RUSC2: variants seen among roughly 807,000 people sequenced by gnomAD.
The protein encoded by RUSC2 is AP-4 complex accessory subunit RUSC2.
In RUSC2, 34 loss-of-function variants were observed where a neutral mutation model predicts 122.2. The ratio of observed to expected loss-of-function variants is 0.28; its 90% CI spans 0.21 to 0.37. The LOEUF (loss-of-function observed/expected upper bound fraction) is 0.37. RUSC2 is among the 10% of genes least tolerant of loss of function. RUSC2 has a pLI of 1.00. For missense variants in RUSC2, 1,747 were observed against 1,952.4 expected (o/e 0.89, Z 1.98); for synonymous variants, 784 against 790.0 (o/e 0.99, Z 0.13).
At chr9:35,505,011 A>G (rs1820886339) in intron 1 of RUSC2, among the ~76,000 whole-genome samples, 1 of 152,248 alleles carries the variant, frequency 6.6e-6, no homozygotes, top group Non-Finnish European at 1.5e-5. Flanking sequence ...GTTAGTTAAC[A>G]ATATGTGCTG....
At chr9:35,495,072 T>TATATACTATAGTATATATA (rs1820664123) in intron 1 of RUSC2, among the ~76,000 whole-genome samples, 1 of 17,676 alleles carries the variant, frequency 5.7e-5, no homozygotes, top group Non-Finnish European at 1.1e-4. Flanking sequence ...TAGTATATAT[T>TATATACTATAGTATATATA]ATATATAGTA....
chr9:35,525,658 G>A (rs1243918849), intron 1 of RUSC2, among the ~76,000 whole-genome samples: 2 of 152,202 alleles, frequency 1.3e-5, no homozygotes, highest in South Asian at 2.1e-4. Context: ...AATTAGCCTG[G>A]CGTGGAGGCA....
chr9:35,533,703 G>A (rs1056279425), intron 1 of RUSC2, among the ~76,000 whole-genome samples: 1 of 152,190 alleles, frequency 6.6e-6, no homozygotes, highest in South Asian at 2.1e-4. Context: ...GACATATCAT[G>A]TAAATGGAAT....
intron 1 of RUSC2, among the ~76,000 whole-genome samples, chr9:35,494,597 T>C (rs1167240120): frequency 6.6e-6 from 1 of 152,130 alleles, no homozygotes; most frequent in African/African-American, 2.4e-5. Flanking sequence ...TTGTATATCT[T>C]TGGAGAAATG....
intron 1 of RUSC2, among the ~76,000 whole-genome samples, chr9:35,495,350 A>T (rs980311076): frequency 6.9e-6 from 1 of 144,504 alleles, no homozygotes; most frequent in African/African-American, 2.6e-5. Flanking sequence ...TTTGTATGTA[A>T]TGTAAGATAA....
At chr9:35,498,159 T>G (rs201830269) in intron 1 of RUSC2, among the ~76,000 whole-genome samples, 14 of 20,644 alleles carry the variant, frequency 6.8e-4, no homozygotes, top group East Asian at 4.9e-3. Context: ...TTAGTTTTGG[T>G]TTTTTTTTTT....
In RUSC2 at chr9:35,547,397, T is replaced by C. The variant is rs1010295412; in HGVS notation, c.876T>C (p.His292=). The change falls in exon 2 of 12, where the codon CAT becomes CAC. Residue 292 remains histidine, a synonymous_variant. Coordinates refer to ENST00000361226, the MANE Select transcript of RUSC2 (RefSeq NM_014806.5). The surrounding 1 kb of genome is among the most constrained non-coding windows in gnomAD (Gnocchi z 4.6). Reference sequence around the variant, plus strand: ...TCAGCACCCTCTACAACAAGATGCATGGCACCCCCCGTGCCAATCTCAACT... The same window carrying C: ...TCAGCACCCTCTACAACAAGATGCACGGCACCCCCCGTGCCAATCTCAACT... The part of the protein sequence containing the change: ...VTFSTLYNKM[H]GTPRANLNSA... 6.2e-7 allele frequency: 1 copy of C among 1,614,046 alleles called. No individual in the cohort carries two copies.
intron 1 of RUSC2, among the ~76,000 whole-genome samples, chr9:35,496,544 G>T (rs1471463959): frequency 1.3e-5 from 2 of 152,110 alleles, no homozygotes; most frequent in African/African-American, 4.8e-5. Flanking sequence ...TCGGACTGTT[G>T]TAAACCAAGT....
chr9:35,559,551 A>G (rs1463629393), intron 9 of RUSC2, among the ~76,000 whole-genome samples: 2 of 152,202 alleles, frequency 1.3e-5, no homozygotes, highest in African/African-American at 4.8e-5. Flanking sequence ...CCTGGGCAAC[A>G]TGGTGAAACC....
At chr9:35,522,416 C>T (rs1212340779) in intron 1 of RUSC2, among the ~76,000 whole-genome samples, 1 of 152,210 alleles carries the variant, frequency 6.6e-6, no homozygotes, top group East Asian at 1.9e-4. Context: ...GGCATTAGGC[C>T]TCCTCTGCTT....
chr9:35,556,758 TG>T (rs1315434904), intron 5 of RUSC2, among the ~76,000 whole-genome samples: 2 of 151,824 alleles, frequency 1.3e-5, no homozygotes, highest in Admixed American at 6.6e-5. Flanking sequence ...ACCCAGGAGG[TG>T]GAGGTTGCAG....
At chr9:35,553,857 G>A (rs1370161154) in intron 2 of RUSC2, among the ~76,000 whole-genome samples, 1 of 152,182 alleles carries the variant, frequency 6.6e-6, no homozygotes, top group African/African-American at 2.4e-5. Context: ...ACTCTTTGAT[G>A]TAAATAAGAT....
In RUSC2 at chr9:35,546,663, C is replaced by T. The variant is rs2132550904; in HGVS notation, c.142C>T (p.Pro48Ser). The T allele has an allele frequency of 1.3e-6, 2 of 1,571,642 alleles. No individual in the cohort carries two copies. The highest frequency in any genetic ancestry group is 1.7e-6 in the Non-Finnish European group (2 of 1,159,438). ...CACAAGACCTAATCCCTTCTGCCCA[C>T]CTGAGCTGGGCATCACCCAGCCCGA... ...GSTRPNPFCP[P>S]ELGITQPDQD... Residue 48 changes from proline (P) to serine (S), a missense_variant, in exon 2 of 12, where the codon CCT (proline) becomes TCT (serine). Coordinates refer to ENST00000361226, the MANE Select transcript of RUSC2 (RefSeq NM_014806.5). The surrounding 1 kb of genome is among the most constrained non-coding windows in gnomAD (Gnocchi z 4.3).
intron 2 of RUSC2, among the ~76,000 whole-genome samples, chr9:35,554,824 G>A (rs1821972741): frequency 6.6e-6 from 1 of 151,588 alleles, no homozygotes; most frequent in Admixed American, 6.6e-5. Context: ...TTGGAGTCAA[G>A]AAAATGAAGA....
chr9:35,524,888 G>A (rs981544131), intron 1 of RUSC2, among the ~76,000 whole-genome samples: 2 of 151,696 alleles, frequency 1.3e-5, no homozygotes, highest in Admixed American at 6.6e-5. Context: ...GGAGAATGGC[G>A]TGAACCCGGG....
intron 1 of RUSC2, among the ~76,000 whole-genome samples, chr9:35,529,976 G>A (rs1434785032): frequency 1.3e-5 from 2 of 152,026 alleles, no homozygotes; most frequent in Non-Finnish European, 2.9e-5. Context: ...TTTTGAGACT[G>A]GGCCTTGTTC....
intron 1 of RUSC2, among the ~76,000 whole-genome samples, chr9:35,495,213 T>C (rs1820681432): frequency 2.1e-5 from 1 of 47,338 alleles, no homozygotes; most frequent in East Asian, 4.6e-4. Flanking sequence ...ATTTATTATA[T>C]ATAAAGTATA....
rs1822082509 is a variant in RUSC2, at chr9:35,558,915, A to C, written c.3342-311A>C. On this transcript the variant is annotated intron_variant, in intron 8 of 11. Transcript: ENST00000361226. The surrounding 1 kb of genome is among the most constrained non-coding windows in gnomAD (Gnocchi z 4.3). ...TCCACCTTGGGACCCACATCCTAGT[A>C]ACATGCTTTCTCAGGTATGGGCCCA... Among the ~76,000 whole-genome samples the C allele has an allele frequency of 6.6e-6, 1 of 152,242 alleles. No homozygotes were observed. The highest frequency in any genetic ancestry group is 1.5e-5 in the Non-Finnish European group (1 of 68,046).
chr9:35,561,236 C>CACAA lies in RUSC2; in HGVS notation c.4407_4410dup (p.Gly1471GlnfsTer61). ...CACCGGCCCTGGACAGCTGAGCTTCCACAAAGGAGACATCCTACGAGTGCT... is the reference window on the plus strand; with the variant it reads ...CACCGGCCCTGGACAGCTGAGCTTCCACAAACAAAGGAGACATCCTACGAGTGCT... On this transcript the variant is annotated frameshift_variant, in exon 12 of 12. Coordinates refer to ENST00000361226, the MANE Select transcript of RUSC2 (RefSeq NM_014806.5). LOFTEE classifies it high-confidence loss of function. 1 of 1,614,196 alleles carries CACAA rather than the reference C, an allele frequency of 6.2e-7. No homozygotes were observed. Among genetic ancestry groups the CACAA allele is most frequent in the Non-Finnish European group, 8.5e-7 (1 of 1,180,038 alleles).
Sources: allele counts gnomAD v4.1 joint callset (sites outside exome capture counted in the v4.1 genomes callset), GRCh38; gene constraint gnomAD v4.1.1; non-coding constraint Gnocchi (gnomAD v3.1); transcripts MANE v1.5; gene names NCBI Gene and HGNC (gene_info 2026-07-23, HGNC 2026-07-21).